Variants in P2RY14 observed in about 807,000 individuals in gnomAD.
P2RY14 encodes the protein P2Y purinoceptor 14.
P2RY14 carries 2 observed loss-of-function variants against 0.9 expected under a neutral mutation model. The observed-to-expected ratio is 2.16, with a 90% CI of 0.88 to 6.79. The LOEUF (loss-of-function observed/expected upper bound fraction) is 6.79, where lower values mean the gene tolerates loss of function less well. Ranked by LOEUF, P2RY14 falls within the 30% of genes most tolerant of loss-of-function variation. P2RY14 has a pLI of 0.05. For synonymous variants in P2RY14, 158 were observed against 147.2 expected (o/e 1.07, Z -0.53); for missense variants, 378 against 400.1 (o/e 0.94, Z 0.47).
At chr3:151,274,817 C>T (rs1741578276) in intron 1 of P2RY14, among the ~76,000 whole-genome samples, 1 of 152,152 alleles carries the variant, frequency 6.6e-6, no homozygotes, top group South Asian at 2.1e-4. Flanking sequence ...GAATGTAAGC[C>T]ACCAGAGGCC....
At position 151,213,808 on chromosome 3, in the gene P2RY14, A is replaced by G. The variant is rs1159640654; in HGVS notation, c.509T>C (p.Ile170Thr). 6.2e-7 allele frequency: 1 copy of G among 1,614,034 alleles called. No homozygotes were observed. The highest frequency in any genetic ancestry group is 1.3e-5 in the African/African-American group (1 of 74,918). ...TTCACTTTTCAGTTCTATACATTTTATTTGTGTAACCTCCCTAACACTCTG... is the reference window on the plus strand; with the variant it reads ...TTCACTTTTCAGTTCTATACATTTTGTTTGTGTAACCTCCCTAACACTCTG... The part of the protein sequence containing the change: ...TNQSVREVTQ[I>T]KCIELKSELG... The change falls in exon 3 of 3, where the codon ATA (isoleucine) becomes ACA (threonine). Residue 170 changes from isoleucine to threonine, a missense_variant. Transcript: ENST00000309170.
intron 2 of P2RY14, among the ~76,000 whole-genome samples, chr3:151,216,527 C>A (rs1424030164): frequency 6.6e-6 from 1 of 152,180 alleles, no homozygotes; most frequent in African/African-American, 2.4e-5. Flanking sequence ...ATTTTCCTTT[C>A]CCATATGCTT....
At chr3:151,230,928 G>C (rs1481030432) in intron 1 of P2RY14, among the ~76,000 whole-genome samples, 2 of 152,108 alleles carry the variant, frequency 1.3e-5, no homozygotes, top group African/African-American at 4.8e-5. Flanking sequence ...TTTCCGATCA[G>C]GTACAGGAAA....
chr3:151,225,751 C>T (rs9289834), intron 1 of P2RY14, among the ~76,000 whole-genome samples: 102,774 of 151,890 alleles, frequency 0.68, 35,072 homozygotes, highest in African/African-American at 0.74. Flanking sequence ...CTCCCACCCC[C>T]TATCTTTTTT....
chr3:151,225,905 C>G (rs1730394902), intron 1 of P2RY14, among the ~76,000 whole-genome samples: 1 of 152,166 alleles, frequency 6.6e-6, no homozygotes, highest in Admixed American at 6.5e-5. Context: ...TTGATTTCCC[C>G]TTGTTGAAAT....
chr3:151,251,543 C>G (rs1443593856), intron 1 of P2RY14, among the ~76,000 whole-genome samples: 1 of 152,174 alleles, frequency 6.6e-6, no homozygotes. Context: ...AGCACTGTGT[C>G]CCTTTTGTGG....
intron 1 of P2RY14, among the ~76,000 whole-genome samples, chr3:151,271,931 T>C (rs1342551406): frequency 6.6e-6 from 1 of 152,216 alleles, no homozygotes; most frequent in East Asian, 1.9e-4. Context: ...GTGGTGATTA[T>C]ATGGTGTCAA....
At chr3:151,262,673 C>T (rs543672070) in intron 1 of P2RY14, among the ~76,000 whole-genome samples, 18 of 152,164 alleles carry the variant, frequency 1.2e-4, no homozygotes, top group East Asian at 3.9e-4. Context: ...TTAAAATCAC[C>T]GACAGATTTA....
At chr3:151,227,298 G>A (rs554667961) in intron 1 of P2RY14, among the ~76,000 whole-genome samples, 7 of 152,182 alleles carry the variant, frequency 4.6e-5, no homozygotes, top group African/African-American at 9.6e-5. Flanking sequence ...GCATAAATTC[G>A]GCCCTCTCTT....
chr3:151,244,207 A>G (rs1734846974), intron 1 of P2RY14, among the ~76,000 whole-genome samples: 1 of 136,942 alleles, frequency 7.3e-6, no homozygotes, highest in Admixed American at 7.6e-5. Context: ...AGACAGATCA[A>G]CGAGACAGAA....
chr3:151,249,539 A>G (rs1247691511), intron 1 of P2RY14, among the ~76,000 whole-genome samples: 1 of 152,122 alleles, frequency 6.6e-6, no homozygotes, highest in Non-Finnish European at 1.5e-5. Context: ...CCCCAAGACT[A>G]TGCTATCTCC....
intron 1 of P2RY14, among the ~76,000 whole-genome samples, chr3:151,259,712 A>C (rs568860337): frequency 4.6e-5 from 7 of 152,352 alleles, no homozygotes; most frequent in African/African-American, 1.7e-4. Flanking sequence ...TCTACTGTGT[A>C]TAAATACTCT....
At chr3:151,229,182 C>G (rs1731114503) in intron 1 of P2RY14, among the ~76,000 whole-genome samples, 1 of 152,180 alleles carries the variant, frequency 6.6e-6, no homozygotes, top group East Asian at 1.9e-4. Flanking sequence ...AGAAGTGATT[C>G]CCATATACTC....
intron 1 of P2RY14, among the ~76,000 whole-genome samples, chr3:151,265,033 T>G (rs1036927168): frequency 6.6e-6 from 1 of 152,230 alleles, no homozygotes; most frequent in Non-Finnish European, 1.5e-5. Context: ...ATCTTCATGA[T>G]GATTTCTTCC....
chr3:151,228,764 C>T (rs1342206655), intron 1 of P2RY14, among the ~76,000 whole-genome samples: 2 of 152,312 alleles, frequency 1.3e-5, no homozygotes, highest in African/African-American at 2.4e-5. Flanking sequence ...CTCCTGGCTT[C>T]AGGGTTTTGG....
intron 1 of P2RY14, among the ~76,000 whole-genome samples, chr3:151,229,028 A>G (rs1294391494): frequency 1.3e-5 from 2 of 152,200 alleles, no homozygotes; most frequent in Admixed American, 6.5e-5. Context: ...GATGAAGACA[A>G]ATTTCCATGT....
intron 1 of P2RY14, among the ~76,000 whole-genome samples, chr3:151,226,774 C>T (rs1307092723): frequency 1.3e-5 from 2 of 152,150 alleles, no homozygotes; most frequent in Non-Finnish European, 2.9e-5. Flanking sequence ...TTTGATTTGC[C>T]AGTTTCTAAA....
At chr3:151,214,378 T>C in intron 2 of P2RY14, 38 bp from the exon 3 acceptor site, 3 of 1,374,270 alleles carry the variant, frequency 2.2e-6, no homozygotes, top group Non-Finnish European at 3.0e-6. Flanking sequence ...ATAGGGCACT[T>C]ATGGCCTCCA....
At chr3:151,228,187 T>C (rs1030652775) in intron 1 of P2RY14, among the ~76,000 whole-genome samples, 1 of 152,224 alleles carries the variant, frequency 6.6e-6, no homozygotes, top group African/African-American at 2.4e-5. Flanking sequence ...TGCAGCATAA[T>C]GATTACATGC....
Sources: gnomAD v4.1 joint callset for allele counts (sites outside exome capture counted in the v4.1 genomes callset) on GRCh38, gnomAD v4.1.1 for gene constraint, MANE v1.5 for transcripts, NCBI Gene and HGNC (gene_info 2026-07-23, HGNC 2026-07-21) for gene names.